NUF2: variants seen among roughly 807,000 people sequenced by gnomAD.
The protein encoded by NUF2 is NUF2 component of NDC80 kinetochore complex.
Under a neutral mutation model 61.8 loss-of-function variants are expected in NUF2, and 34 were observed. That is an observed-to-expected ratio of 0.55 (90% confidence interval 0.42 to 0.73). NUF2 has a LOEUF of 0.73. Ranked by LOEUF, NUF2 falls within the 30% of genes least tolerant of loss-of-function variation. The pLI, the probability that NUF2 is intolerant of heterozygous loss-of-function variation, is 0.00. For missense variants in NUF2, 445 were observed against 539.1 expected (o/e 0.83, Z 1.73); for synonymous variants, 172 against 181.6 (o/e 0.95, Z 0.42).
At chr1:163,339,525 T>C (rs1278782374) in intron 8 of NUF2, 48 bp downstream of exon 8, 3 of 1,135,056 alleles carry the variant, frequency 2.6e-6, no homozygotes, top group Non-Finnish European at 4.0e-6. Context: ...AATTTGTTTG[T>C]AGATGTGGTG....
At chr1:163,325,570 T>G (rs1315449537) in intron 1 of NUF2, among the ~76,000 whole-genome samples, 1 of 152,240 alleles carries the variant, frequency 6.6e-6, no homozygotes, top group East Asian at 1.9e-4. Context: ...TCACTATATA[T>G]GTAATGAATA....
In NUF2 at chr1:163,338,002, T is replaced by C. The variant is rs1348705615; in HGVS notation, c.436-18T>C. On this transcript the variant is annotated intron_variant, in intron 6 of 13. Transcript: ENST00000271452. ...GTTGAAATGCACTAATATGAGATGA[T>C]TAAAATTGCTTTAATAGAAATCCTC... The C allele has an allele frequency of 1.9e-6, 3 of 1,601,092 alleles. No individual in the cohort carries two copies. In the Admixed American group the frequency reaches 5.0e-5, roughly 27 times the overall value.
In NUF2 at chr1:163,343,751, G is replaced by A. The variant is rs770239670; in HGVS notation, c.688G>A (p.Val230Met). ...TCAACAGAATGAACTAAAATTGTCG[G>A]TGGTTTCTTTGAAAGAAATACAAGA... The part of the protein sequence containing the change: ...TKRLNELKLS[V>M]VSLKEIQESL... Residue 230 changes from valine to methionine, a missense_variant, in exon 10 of 14, where the codon GTG becomes ATG. Coordinates refer to ENST00000271452, the MANE Select transcript of NUF2 (RefSeq NM_145697.3). The A allele has an allele frequency of 7.1e-7, 1 of 1,403,152 alleles. No homozygotes were observed. 86.9% of individuals were successfully genotyped at this position (1,403,152 alleles called of 1,614,324 possible).
At chr1:163,336,955 C>G in intron 6 of NUF2, 107 bp downstream of exon 6, 1 of 685,142 alleles carries the variant, frequency 1.5e-6, no homozygotes, top group Non-Finnish European at 2.5e-6. Flanking sequence ...TGCTGTATTG[C>G]CTTTAGAATT....
At chr1:163,342,634 TTC>T (rs1197822362) in intron 9 of NUF2, among the ~76,000 whole-genome samples, 4 of 152,130 alleles carry the variant, frequency 2.6e-5, no homozygotes, top group African/African-American at 9.7e-5. Context: ...TTATGAAATA[TTC>T]TCTCTTTACA....
chr1:163,345,526 T>A, intron 10 of NUF2, 152 bp from the exon 11 acceptor site: 4 of 608,584 alleles, frequency 6.6e-6, no homozygotes, highest in Non-Finnish European at 1.1e-5. Context: ...TCAGTAATAG[T>A]GCTGTATTAC....
At chr1:163,346,742 C>A (rs372500766) in intron 11 of NUF2, among the ~76,000 whole-genome samples, 3 of 152,216 alleles carry the variant, frequency 2.0e-5, no homozygotes, top group African/African-American at 7.2e-5. Context: ...GTAGTCCCAG[C>A]CACTTGGGAG....
intron 5 of NUF2, among the ~76,000 whole-genome samples, chr1:163,333,098 C>T (rs1650650996): frequency 6.6e-6 from 1 of 152,166 alleles, no homozygotes; most frequent in Non-Finnish European, 1.5e-5. Flanking sequence ...GTGAGTTTGT[C>T]TGTTTTGTCT....
At chr1:163,340,094 A>C (rs1348702457) in intron 8 of NUF2, among the ~76,000 whole-genome samples, 1 of 152,184 alleles carries the variant, frequency 6.6e-6, no homozygotes, top group Non-Finnish European at 1.5e-5. Flanking sequence ...GAACAAAATA[A>C]AAATTTTTTC....
Position 163,338,101 on chromosome 1 carries a change from G to C in NUF2, c.509+8G>C, listed in dbSNP as rs374081162. On this transcript the variant is annotated splice_region_variant and intron_variant, in intron 7 of 13. Coordinates refer to ENST00000271452, the MANE Select transcript of NUF2 (RefSeq NM_145697.3). ...GAAACTGGAGAGACTTGAGTAAGTG[G>C]GAGATTTACAAGTAAAATAAATGCA... 27 of 1,604,818 alleles carry C rather than the reference G, an allele frequency of 1.7e-5. No homozygotes were observed. The highest frequency in any genetic ancestry group is 3.3e-4 in the Middle Eastern group (2 of 6,028).
intron 4 of NUF2, 42 bp from the exon 5 acceptor site, chr1:163,328,804 G>T (rs375371260): frequency 5.0e-6 from 6 of 1,209,640 alleles, no homozygotes; most frequent in Non-Finnish European, 7.4e-6. Flanking sequence ...CATTTAATGT[G>T]CAAAATACTT....
chr1:163,328,556 T>G, intron 4 of NUF2: 2 of 506,180 alleles, frequency 4.0e-6, no homozygotes, highest in Admixed American at 3.7e-5. Flanking sequence ...TTTACCGTCT[T>G]TGTGAAGAGG....
Position 163,349,055 on chromosome 1 carries a change from C to T in NUF2, c.1235C>T (p.Ala412Val), listed in dbSNP as rs753930942. The change falls in exon 13 of 14, where the codon GCT becomes GTT. Residue 412 changes from alanine to valine, a missense_variant. Coordinates refer to ENST00000271452, the MANE Select transcript of NUF2 (RefSeq NM_145697.3). The part of the protein sequence containing the change: ...KLGIQQLKDA[A>V]EREKLKSQEI... ...GGAATTCAACAACTAAAAGATGCTG[C>T]TGAAAGGGAGAAACTGAAGTCCCAG... is the stretch of plus-strand genomic sequence containing the variant. 9.9e-6 allele frequency: 16 copies of T among 1,608,474 alleles called. No individual in the cohort carries two copies. Among genetic ancestry groups the T allele is most frequent in the African/African-American group, 1.3e-5 (1 of 74,542 alleles).
intron 10 of NUF2, 92 bp downstream of exon 10, chr1:163,343,962 A>T: frequency 1.3e-6 from 1 of 745,660 alleles, no homozygotes; most frequent in Non-Finnish European, 1.9e-6. Flanking sequence ...GGATTTCTGA[A>T]TTATCTATAC....
intron 13 of NUF2, among the ~76,000 whole-genome samples, chr1:163,352,229 A>G (rs764864194): frequency 6.6e-6 from 1 of 152,214 alleles, no homozygotes; most frequent in Admixed American, 6.5e-5. Flanking sequence ...ATACATGTAC[A>G]TAGCCCTTCA....
At chr1:163,327,645 A>G in intron 3 of NUF2, 83 bp downstream of exon 3, 4 of 820,998 alleles carry the variant, frequency 4.9e-6, no homozygotes, top group South Asian at 3.0e-5. Flanking sequence ...CTTACAATGC[A>G]TACTGGCTTT....
At position 163,345,567 on chromosome 1, in the gene NUF2, T is replaced by C. The variant is rs749616415; in HGVS notation, c.808-111T>C. On this transcript the variant is annotated intron_variant, in intron 10 of 13. Coordinates refer to ENST00000271452, the MANE Select transcript of NUF2 (RefSeq NM_145697.3). Reference sequence around the variant, plus strand: ...TAGAAATTTAATTGTTCCGTGCTCTTAAGGTTTCAGTATTAAATGTGGAAA... The same window carrying C: ...TAGAAATTTAATTGTTCCGTGCTCTCAAGGTTTCAGTATTAAATGTGGAAA... 1.4e-5 allele frequency: 13 copies of C among 911,954 alleles called. 1 individual carries two copies. The highest frequency in any genetic ancestry group is 2.2e-5 in the Non-Finnish European group (13 of 598,142). The allele number at this position is 911,954 out of a possible 1,614,324, so 56.5% of individuals were successfully genotyped here.
Position 163,348,969 on chromosome 1 carries a change from A to G in NUF2, c.1149A>G (p.Lys383=), listed in dbSNP as rs1312982388. Residue 383 remains lysine, a synonymous_variant, in exon 13 of 14, where the codon AAA becomes AAG. Transcript: ENST00000271452. ...VIEDCNKVQE[K]RGAVYERVTT... ...GGGATTGCAATAAAGTTCAAGAAAAAAGAGGTGCTGTCTATGAACGAGTAA... is the reference window on the plus strand; with the variant it reads ...GGGATTGCAATAAAGTTCAAGAAAAGAGAGGTGCTGTCTATGAACGAGTAA... The G allele has an allele frequency of 5.6e-6, 9 of 1,604,800 alleles. No homozygotes were observed. Among genetic ancestry groups the G allele is most frequent in the Non-Finnish European group, 7.6e-6 (9 of 1,177,950 alleles).
intron 2 of NUF2, 130 bp from the exon 3 acceptor site, chr1:163,327,358 A>G: frequency 1.7e-6 from 1 of 605,116 alleles, no homozygotes; most frequent in Non-Finnish European, 3.0e-6. Flanking sequence ...GAATATTTCA[A>G]GGGAAATGGA....
Sources: gnomAD v4.1 joint callset for allele counts (sites outside exome capture counted in the v4.1 genomes callset) on GRCh38, gnomAD v4.1.1 for gene constraint, MANE v1.5 for transcripts, NCBI Gene and HGNC (gene_info 2026-07-23, HGNC 2026-07-21) for gene names.